Variants in CACNA2D3 observed in about 807,000 individuals in gnomAD.
CACNA2D3 encodes the protein calcium voltage-gated channel auxiliary subunit alpha2delta 3.
CACNA2D3 carries 60 observed loss-of-function variants against 160.6 expected under a neutral mutation model. That is an observed-to-expected ratio of 0.37 (90% CI 0.30 to 0.46). The LOEUF is 0.46. CACNA2D3 is among the 20% of genes least tolerant of loss of function. CACNA2D3 has a pLI of 1.00. For missense variants in CACNA2D3, 1,205 were observed against 1,365.0 expected (o/e 0.88, Z 1.85); for synonymous variants, 558 against 492.9 (o/e 1.13, Z -1.75).
At chr3:54,924,990 G>A in intron 27 of CACNA2D3, 2 of 1,613,890 alleles carry the variant, frequency 1.2e-6, no homozygotes, top group Non-Finnish European at 1.7e-6. Flanking sequence ...CAAGTTTAAG[G>A]TCATGAGCCA....
At chr3:54,377,969 C>T (rs373486428) in intron 3 of CACNA2D3, among the ~76,000 whole-genome samples, 1 of 152,264 alleles carries the variant, frequency 6.6e-6, no homozygotes, top group South Asian at 2.1e-4. Flanking sequence ...GGCAGATGTC[C>T]CTGTCTTCCT....
At chr3:54,419,260 G>A (rs1037889639) in intron 4 of CACNA2D3, among the ~76,000 whole-genome samples, 1 of 152,156 alleles carries the variant, frequency 6.6e-6, no homozygotes, top group African/African-American at 2.4e-5. Context: ...TAAACCCTTG[G>A]TCACACTTAT....
At chr3:54,167,121 A>G (rs1345683455) in intron 2 of CACNA2D3, among the ~76,000 whole-genome samples, 1 of 152,094 alleles carries the variant, frequency 6.6e-6, no homozygotes, top group Non-Finnish European at 1.5e-5. Flanking sequence ...CTCTGCTTGC[A>G]CTTAATTCCC....
chr3:54,542,702 C>T (rs915599251), intron 5 of CACNA2D3, among the ~76,000 whole-genome samples: 14 of 151,968 alleles, frequency 9.2e-5, no homozygotes, highest in East Asian at 1.9e-4. Flanking sequence ...GTCACACTGG[C>T]GGCTGATTAG....
At chr3:54,680,347 A>T (rs1700319107) in intron 11 of CACNA2D3, among the ~76,000 whole-genome samples, 1 of 152,080 alleles carries the variant, frequency 6.6e-6, no homozygotes, top group Non-Finnish European at 1.5e-5. Flanking sequence ...GATGTTTCTC[A>T]TTTTTCCAGA....
chr3:54,265,568 T>TAG (rs1203261963), intron 2 of CACNA2D3, among the ~76,000 whole-genome samples: 3 of 147,518 alleles, frequency 2.0e-5, no homozygotes, highest in Non-Finnish European at 4.5e-5. Flanking sequence ...ATAGTGTGTA[T>TAG]ATATATAGTG....
intron 26 of CACNA2D3, among the ~76,000 whole-genome samples, chr3:54,899,319 A>G (rs1297226780): frequency 6.6e-6 from 1 of 152,228 alleles, no homozygotes; most frequent in Non-Finnish European, 1.5e-5. Flanking sequence ...TGGGCTCGAA[A>G]TTACAATTTT....
intron 2 of CACNA2D3, among the ~76,000 whole-genome samples, chr3:54,162,527 A>C (rs906089350): frequency 1.3e-5 from 2 of 152,206 alleles, no homozygotes; most frequent in African/African-American, 4.8e-5. Context: ...ACAAGGAAGA[A>C]GAGCTCGCTT....
chr3:55,029,368 T>TA (rs1325540114), intron 35 of CACNA2D3, among the ~76,000 whole-genome samples: 66 of 152,220 alleles, frequency 4.3e-4, no homozygotes, highest in Non-Finnish European at 3.1e-4. Context: ...TGTGTGGGTT[T>TA]AAAAAAAGAT....
intron 13 of CACNA2D3, among the ~76,000 whole-genome samples, chr3:54,805,486 C>T (rs1337786718): frequency 6.6e-6 from 1 of 152,162 alleles, no homozygotes; most frequent in Non-Finnish European, 1.5e-5. Context: ...CATACACCCT[C>T]CCAAGACTAA....
chr3:55,011,453 C>T (rs1515959), intron 34 of CACNA2D3, among the ~76,000 whole-genome samples: 82,738 of 152,000 alleles, frequency 0.54, 22,784 homozygotes, highest in Admixed American at 0.58. Flanking sequence ...AATTTATAAT[C>T]GCAAATACTG....
Position 54,154,508 on chromosome 3 carries a change from C to T in CACNA2D3, c.204+30914C>T, listed in dbSNP as rs538606597. On this transcript the variant is annotated intron_variant, in intron 2 of 37. Coordinates refer to ENST00000474759, the MANE Select transcript of CACNA2D3 (RefSeq NM_018398.3). The stretch of plus-strand genomic sequence containing the variant: ...TATGTTAAAACAGTCTTTTCCATGC[C>T]GCAAACGCCCCTTACTCTTTTTCCC... Among the ~76,000 whole-genome samples, 13 of 150,206 alleles carry T rather than the reference C, an allele frequency of 8.7e-5. No individual in the cohort carries two copies. In the South Asian group the frequency reaches 1.7e-3, roughly 20 times the overall value.
chr3:54,460,440 A>T lies in CACNA2D3; in HGVS notation c.382-43052A>T, dbSNP rs984247331. On this transcript the variant is annotated intron_variant, in intron 4 of 37. Transcript: ENST00000474759. ...TGTTCTTCCATTTGTTTGTATCCTC[A>T]TTTATTTCATTGAGCAGTGGTTTGT... Among the ~76,000 whole-genome samples, 1,157 of 151,470 alleles carry T rather than the reference A, an allele frequency of 7.6e-3. 11 individuals are homozygous for T. The highest frequency in any genetic ancestry group is 0.025 in the African/African-American group (1,046 of 41,420).
intron 4 of CACNA2D3, among the ~76,000 whole-genome samples, chr3:54,469,944 C>G (rs774999804): frequency 6.6e-6 from 1 of 152,042 alleles, no homozygotes; most frequent in Admixed American, 6.5e-5. Flanking sequence ...AAAGACCAAA[C>G]TTACTTTTGA....
rs149856106 is a variant in CACNA2D3, at chr3:54,295,337, G to A, written c.205-25105G>A. The stretch of plus-strand genomic sequence containing the variant: ...TGTGTGGGGCCTCTGTAAACCAAAG[G>A]TATCTGAAACAGGTCTCAGTGAATT... On this transcript the variant is annotated intron_variant, in intron 2 of 37. Transcript: ENST00000474759. 2.3e-4 allele frequency among the ~76,000 whole-genome samples: 35 copies of A among 152,294 alleles called. No individual in the cohort carries two copies. In the East Asian group the frequency reaches 6.0e-3, roughly 26 times the overall value.
At chr3:54,971,682 G>A (rs1165865610) in intron 29 of CACNA2D3, among the ~76,000 whole-genome samples, 1 of 152,124 alleles carries the variant, frequency 6.6e-6, no homozygotes, top group African/African-American at 2.4e-5. Flanking sequence ...AAAAACAAGT[G>A]GAAATGGATT....
At chr3:54,391,512 C>CTTT (rs199908584) in intron 4 of CACNA2D3, among the ~76,000 whole-genome samples, 1 of 148,348 alleles carries the variant, frequency 6.7e-6, no homozygotes, top group Admixed American at 6.8e-5. Flanking sequence ...TTCTTTCTTT[C>CTTT]TTTCTTTTTT....
intron 13 of CACNA2D3, among the ~76,000 whole-genome samples, chr3:54,798,493 G>T (rs1218251295): frequency 1.1e-4 from 16 of 152,092 alleles, no homozygotes; most frequent in Admixed American, 1.0e-3. Context: ...CCAAGATCAT[G>T]CCACTGCACT....
At position 55,033,648 on chromosome 3, in the gene CACNA2D3, TATATATAAAATAG is replaced by T. The variant is rs1484998415; in HGVS notation, c.2987+15344_2987+15356del. ...GAAATGTGTATATATACCCTTAAAATATATATAAAATAGATATATAAAATATAAATGTGTATAT... is the reference window on the plus strand; with the variant it reads ...GAAATGTGTATATATACCCTTAAAATATATATAAAATATAAATGTGTATAT... On this transcript the variant is annotated intron_variant, in intron 35 of 37. Transcript: ENST00000474759. Among the ~76,000 whole-genome samples the T allele has an allele frequency of 3.7e-5, 5 of 136,658 alleles. No homozygotes were observed. The East Asian group carries it at 8.2e-4, about 22-fold the overall frequency. The allele number at this position is 136,658 out of a possible 152,430, so 89.7% of individuals were successfully genotyped here. A position where few individuals can be genotyped will look rare whatever the true frequency, so the allele number is the denominator to read the frequency against.
Sources: gnomAD v4.1 joint callset for allele counts (sites outside exome capture counted in the v4.1 genomes callset) on GRCh38, gnomAD v4.1.1 for gene constraint, MANE v1.5 for transcripts, NCBI Gene and HGNC (gene_info 2026-07-23, HGNC 2026-07-21) for gene names.